CCNB1IP1: variants seen among roughly 807,000 people sequenced by gnomAD.
CCNB1IP1 encodes cyclin B1 interacting protein 1.
In CCNB1IP1, 14 loss-of-function variants were observed where a neutral mutation model predicts 25.6. The observed-to-expected ratio is 0.55, with a 90% CI of 0.36 to 0.85. The LOEUF (loss-of-function observed/expected upper bound fraction) is 0.85. Ranked by LOEUF, CCNB1IP1 falls within the 40% of genes least tolerant of loss-of-function variation. The pLI is 0.01. For synonymous variants in CCNB1IP1, 119 were observed against 116.1 expected (o/e 1.02, Z -0.16); for missense variants, 278 against 342.4 (o/e 0.81, Z 1.48).
intron 4 of CCNB1IP1, chr14:20,320,313 G>A (rs1205767992): frequency 4.4e-6 from 2 of 455,994 alleles, no homozygotes; most frequent in Admixed American, 2.3e-5. Context: ...GGCCAGGCCA[G>A]AGTGACCACG....
Position 20,313,624 on chromosome 14 carries a change from C to T in CCNB1IP1, c.475G>A (p.Asp159Asn), listed in dbSNP as rs760441303. 6.2e-7 allele frequency: 1 copy of T among 1,614,170 alleles called. No homozygotes were observed. Among genetic ancestry groups the T allele is most frequent in the South Asian group, 1.1e-5 (1 of 91,084 alleles). ...VLEEYKKKFS[D>N]ISEKLMERNR... is the part of the protein sequence containing the mutation. ...CGCTCCATAAGTTTCTCAGAGATGT[C>T]ACTGAACTTTTTCTTGTATTCTTCT... The change falls in exon 6 of 7, where the codon GAC (aspartate) becomes AAC (asparagine). Residue 159 changes from aspartate (D) to asparagine (N), a missense_variant. Asp to Asn is a conservative substitution (Grantham distance 23). Transcript: ENST00000358932.
chr14:20,318,157 A>G (rs1181615783), intron 4 of CCNB1IP1: 1 of 152,244 alleles, frequency 6.6e-6, no homozygotes, highest in Non-Finnish European at 1.5e-5. Flanking sequence ...TGCATTACAA[A>G]CATGCATTAC....
At chr14:20,320,413 A>G (rs1594279103) in intron 4 of CCNB1IP1, 1 of 445,536 alleles carries the variant, frequency 2.2e-6, no homozygotes, top group East Asian at 7.1e-5. Flanking sequence ...TTTACCATGC[A>G]AGGGATACAA....
At chr14:20,332,193 C>A (rs1043027513) in intron 1 of CCNB1IP1, among the ~76,000 whole-genome samples, 20 of 150,958 alleles carry the variant, frequency 1.3e-4, no homozygotes, top group African/African-American at 4.9e-4. Flanking sequence ...CGCCGCCATG[C>A]CCCAAAAAAT....
intron 5 of CCNB1IP1, 146 bp from the exon 6 acceptor site, chr14:20,313,947 A>T: frequency 3.5e-6 from 2 of 567,032 alleles, no homozygotes; most frequent in Non-Finnish European, 5.8e-6. Context: ...AGCAATCAGG[A>T]TACACAATGA....
chr14:20,327,524 A>C (rs1176041177), intron 2 of CCNB1IP1, among the ~76,000 whole-genome samples: 2 of 150,110 alleles, frequency 1.3e-5, no homozygotes, highest in African/African-American at 4.9e-5. Context: ...GTGTCATCTG[A>C]ACTTTCAGGT....
chr14:20,324,561 A>G (rs189276886), intron 4 of CCNB1IP1, among the ~76,000 whole-genome samples: 29 of 152,314 alleles, frequency 1.9e-4, no homozygotes, highest in Admixed American at 1.8e-3. Context: ...AGAGAAATAT[A>G]CGCATGGATT....
Position 20,313,521 on chromosome 14 carries a change from C to T in CCNB1IP1, c.578G>A (p.Gly193Asp). 1 of 1,613,726 alleles carries T rather than the reference C, an allele frequency of 6.2e-7. No homozygotes were observed. The highest frequency in any genetic ancestry group is 8.5e-7 in the Non-Finnish European group (1 of 1,179,848). ...TGCAATCATGGATGGTTCAAGGGTG[C>T]CTTCATGGTTAGCAATAGTGATGTT... ...LRNITIANHE[G>D]TLEPSMIAQS... Residue 193 changes from glycine to aspartate, a missense_variant, in exon 6 of 7, where the codon GGC becomes GAC. By Grantham distance (94) the Gly-to-Asp change is moderately conservative. Coordinates refer to ENST00000358932, the MANE Select transcript of CCNB1IP1 (RefSeq NM_021178.5).
At chr14:20,322,188 CA>C (rs923620240) in intron 4 of CCNB1IP1, among the ~76,000 whole-genome samples, 1 of 152,120 alleles carries the variant, frequency 6.6e-6, no homozygotes, top group African/African-American at 2.4e-5. Context: ...CCAGGTTTTA[CA>C]ATTAAAAACA....
chr14:20,327,287 G>A (rs1883105359), intron 2 of CCNB1IP1, among the ~76,000 whole-genome samples: 1 of 151,976 alleles, frequency 6.6e-6, no homozygotes, highest in Non-Finnish European at 1.5e-5. Flanking sequence ...AGATAACTGA[G>A]AAAATAATCC....
intron 3 of CCNB1IP1, chr14:20,326,329 C>G (rs1327221091): frequency 8.4e-6 from 3 of 355,360 alleles, no homozygotes; most frequent in African/African-American, 6.4e-5. Flanking sequence ...CAAAGCACAA[C>G]AAAACATTAG....
At chr14:20,320,323 G>A (rs762373208) in intron 4 of CCNB1IP1, 25 of 455,948 alleles carry the variant, frequency 5.5e-5, no homozygotes, top group South Asian at 3.1e-4. Flanking sequence ...GAGTGACCAC[G>A]ACATTCAAGA....
chr14:20,316,627 T>C (rs1488002647), intron 4 of CCNB1IP1, 67 bp from the exon 5 acceptor site: 7 of 811,338 alleles, frequency 8.6e-6, no homozygotes. Context: ...AAAAAAGAAA[T>C]ATAACATGCA....
intron 4 of CCNB1IP1, among the ~76,000 whole-genome samples, chr14:20,323,917 CAAAA>C (rs59156707): frequency 4.1e-5 from 3 of 73,718 alleles, no homozygotes; most frequent in East Asian, 3.8e-4. Flanking sequence ...GACTCCGTCT[CAAAA>C]AAAAAAAAAA....
At chr14:20,329,445 T>C (rs1319874615) in intron 1 of CCNB1IP1, 72 bp from the exon 2 acceptor site, 3 of 152,244 alleles carry the variant, frequency 2.0e-5, no homozygotes, top group Non-Finnish European at 2.9e-5. Context: ...GGTATAGTTT[T>C]CCTTTAGAGA....
chr14:20,323,790 C>T (rs1189661613), intron 4 of CCNB1IP1, among the ~76,000 whole-genome samples: 8 of 151,584 alleles, frequency 5.3e-5, no homozygotes, highest in South Asian at 2.1e-4. Context: ...TGGTGGCGGG[C>T]GCCTGTATTC....
At chr14:20,326,395 C>G in intron 3 of CCNB1IP1, 1 of 499,664 alleles carries the variant, frequency 2.0e-6, no homozygotes, top group South Asian at 1.5e-5. Flanking sequence ...CAGACTAAAT[C>G]CCAGTATGAA....
Position 20,316,310 on chromosome 14 carries a change from A to G in CCNB1IP1, c.214T>C (p.Tyr72His). 1 of 1,613,970 alleles carries G rather than the reference A, an allele frequency of 6.2e-7. No homozygotes were observed. Among genetic ancestry groups the G allele is most frequent in the South Asian group, 1.1e-5 (1 of 91,076 alleles). Residue 72 changes from tyrosine (Y) to histidine (H), a missense_variant, in exon 5 of 7, where the codon TAT becomes CAT. Transcript: ENST00000358932. ...VRTELSPSEE[Y>H]KAMVLAGLRP... is the part of the protein sequence containing the mutation. ...AGTCCTGCCAATACCATAGCTTTAT[A>G]TTCCTCTGATGGACTGAGTTCTGTG...
At chr14:20,312,970 G>A (rs552836626) in intron 6 of CCNB1IP1, among the ~76,000 whole-genome samples, 5 of 152,216 alleles carry the variant, frequency 3.3e-5, no homozygotes, top group African/African-American at 1.2e-4. Flanking sequence ...ATTGAAACAT[G>A]GCCTTCTTGG....
Sources: gnomAD v4.1 joint callset for allele counts (sites outside exome capture counted in the v4.1 genomes callset) on GRCh38, gnomAD v4.1.1 for gene constraint, MANE v1.5 for transcripts, NCBI Gene and HGNC (gene_info 2026-07-23, HGNC 2026-07-21) for gene names.